The following SGCD variants were observed in gnomAD, a reference collection of about 807,000 sequenced individuals.
SGCD encodes the protein delta-sarcoglycan.
Under a neutral mutation model 36.6 loss-of-function variants are expected in SGCD, and 18 were observed. The ratio of observed to expected loss-of-function variants is 0.49; its 90% CI spans 0.34 to 0.73. The LOEUF (loss-of-function observed/expected upper bound fraction) is 0.73. SGCD is among the 30% of genes least tolerant of loss of function. SGCD has a pLI of 0.01. For synonymous variants in SGCD, 133 were observed against 130.6 expected, an observed-to-expected ratio of 1.02 and a Z score of -0.12; for missense variants, 387 against 346.7, an observed-to-expected ratio of 1.12 and a Z score of -0.92.
chr5:155,963,428 T>C (rs775712028), intron 1 of SGCD, among the ~76,000 whole-genome samples: 3 of 152,096 alleles, frequency 2.0e-5, no homozygotes, highest in Non-Finnish European at 2.9e-5. Flanking sequence ...ACTAATGCCA[T>C]GTATGAGTCT....
chr5:156,346,707 C>G (rs1363701438), intron 3 of SGCD, among the ~76,000 whole-genome samples: 1 of 152,100 alleles, frequency 6.6e-6, no homozygotes, highest in Non-Finnish European at 1.5e-5. Context: ...GGTAATAGTT[C>G]TAGAGTATTA....
chr5:156,575,136 T>C (rs1319124124), intron 4 of SGCD, among the ~76,000 whole-genome samples: 1 of 152,194 alleles, frequency 6.6e-6, no homozygotes, highest in Non-Finnish European at 1.5e-5. Flanking sequence ...GGAACAGTCT[T>C]GTCTGTATTG....
chr5:156,464,616 A>C (rs1754644548), intron 3 of SGCD, among the ~76,000 whole-genome samples: 1 of 152,186 alleles, frequency 6.6e-6, no homozygotes, highest in Non-Finnish European at 1.5e-5. Context: ...GTGTTCTTAG[A>C]GACCCTTGTT....
chr5:156,553,608 T>G (rs1056913341), intron 4 of SGCD, among the ~76,000 whole-genome samples: 29 of 152,178 alleles, frequency 1.9e-4, no homozygotes, highest in Non-Finnish European at 5.9e-5. Context: ...TCATCAGCAG[T>G]CAGTCTCCAT....
At chr5:155,934,852 G>A (rs1415337103) in intron 1 of SGCD, among the ~76,000 whole-genome samples, 1 of 152,214 alleles carries the variant, frequency 6.6e-6, no homozygotes, top group Non-Finnish European at 1.5e-5. Context: ...GATGTGAACT[G>A]TGGACTAATG....
chr5:156,127,069 G>T (rs1295615494), intron 3 of SGCD, among the ~76,000 whole-genome samples: 1 of 152,132 alleles, frequency 6.6e-6, no homozygotes, highest in East Asian at 1.9e-4. Context: ...AAAACTAGGA[G>T]AATCTAAGAA....
chr5:156,698,999 G>T (rs868710006), intron 7 of SGCD, among the ~76,000 whole-genome samples: 1 of 152,038 alleles, frequency 6.6e-6, no homozygotes, highest in African/African-American at 2.4e-5. Context: ...GCAGACAGAG[G>T]TTAAGAACAG....
intron 3 of SGCD, among the ~76,000 whole-genome samples, chr5:156,189,105 G>A (rs866576577): frequency 1.2e-4 from 18 of 152,278 alleles, no homozygotes; most frequent in Middle Eastern, 3.4e-3. Context: ...CCACCACCAT[G>A]GGTTCAGCCA....
upstream of SGCD, among the ~76,000 whole-genome samples, chr5:155,866,118 A>G (rs927265826): frequency 6.6e-6 from 1 of 152,200 alleles, no homozygotes; most frequent in Non-Finnish European, 1.5e-5. Context: ...CACCCATTTT[A>G]TCACAGAGAG....
intron 3 of SGCD, among the ~76,000 whole-genome samples, chr5:156,172,025 G>C (rs554282463): frequency 5.4e-4 from 82 of 152,310 alleles, no homozygotes; most frequent in African/African-American, 1.9e-3. Flanking sequence ...GCTCACACCT[G>C]TAATCCCAGC....
At chr5:156,348,039 G>A (rs2127719575) in intron 3 of SGCD, among the ~76,000 whole-genome samples, 1 of 152,272 alleles carries the variant, frequency 6.6e-6, no homozygotes, top group East Asian at 1.9e-4. Flanking sequence ...TGCCCTGCAA[G>A]TTAAAAGCAT....
intron 3 of SGCD, among the ~76,000 whole-genome samples, chr5:156,228,142 A>G (rs1168729690): frequency 6.6e-6 from 1 of 152,120 alleles, no homozygotes; most frequent in Non-Finnish European, 1.5e-5. Flanking sequence ...AATGTTCCGT[A>G]TGTATCTGTT....
chr5:156,031,679 G>A (rs1263429113), intron 1 of SGCD, among the ~76,000 whole-genome samples: 1 of 152,196 alleles, frequency 6.6e-6, no homozygotes, highest in Non-Finnish European at 1.5e-5. Flanking sequence ...TTTATCAAGT[G>A]TATGATGTAT....
intron 1 of SGCD, among the ~76,000 whole-genome samples, chr5:155,889,031 G>A (rs1436572552): frequency 1.3e-5 from 2 of 152,110 alleles, no homozygotes; most frequent in African/African-American, 4.8e-5. Context: ...TCATAACACT[G>A]TATTTATATA....
At chr5:156,341,307 C>T (rs1768639315) in intron 2 of SGCD, among the ~76,000 whole-genome samples, 1 of 152,102 alleles carries the variant, frequency 6.6e-6, no homozygotes, top group Non-Finnish European at 1.5e-5. Flanking sequence ...AGAGGAACTC[C>T]ACTTTTTTTA....
intron 3 of SGCD, among the ~76,000 whole-genome samples, chr5:156,352,170 A>G (rs780003672): frequency 2.0e-5 from 3 of 152,318 alleles, no homozygotes; most frequent in African/African-American, 4.8e-5. Context: ...CATGTAGACA[A>G]TCATTTAGCA....
intron 1 of SGCD, among the ~76,000 whole-genome samples, chr5:156,098,446 A>C (rs1433911962): frequency 6.6e-6 from 1 of 152,184 alleles, no homozygotes; most frequent in Non-Finnish European, 1.5e-5. Context: ...AATTCTGTGG[A>C]TTCTCTGCAA....
chr5:156,261,706 G>A (rs1765871963), intron 3 of SGCD, among the ~76,000 whole-genome samples: 1 of 152,156 alleles, frequency 6.6e-6, no homozygotes, highest in Non-Finnish European at 1.5e-5. Flanking sequence ...GTTATCCTAG[G>A]AGATGACAGC....
At chr5:156,747,713 T>C (rs1269371844) in intron 7 of SGCD, among the ~76,000 whole-genome samples, 1 of 152,118 alleles carries the variant, frequency 6.6e-6, no homozygotes, top group African/African-American at 2.4e-5. Context: ...CCACTAATTT[T>C]GCCATATTCT....
Sources: gnomAD v4.1 joint callset for allele counts (sites outside exome capture counted in the v4.1 genomes callset) on GRCh38, gnomAD v4.1.1 for gene constraint, MANE v1.5 for transcripts, NCBI Gene and HGNC (gene_info 2026-07-23, HGNC 2026-07-21) for gene names.